The following STK38 variants were observed in gnomAD, a reference collection of about 807,000 sequenced individuals.
STK38 encodes the protein serine/threonine kinase 38, also known as serine/threonine-protein kinase 38.
In STK38, 26 loss-of-function variants were observed where a neutral mutation model predicts 59.0. The ratio of observed to expected loss-of-function variants is 0.44; its 90% CI spans 0.32 to 0.61. The LOEUF is 0.61. Among genes scored for constraint, STK38 ranks in the 20% least tolerant of loss-of-function variants. The pLI is 0.04. For synonymous variants in STK38, 175 were observed against 176.6 expected (o/e 0.99, Z 0.07); for missense variants, 433 against 566.0 (o/e 0.76, Z 2.38).
At chr6:36,517,182 C>T (rs1322189867) in intron 6 of STK38, among the ~76,000 whole-genome samples, 2 of 152,084 alleles carry the variant, frequency 1.3e-5, no homozygotes, top group Non-Finnish European at 2.9e-5. Context: ...TTCCTCAGAA[C>T]AGATGGCATG....
intron 1 of STK38, among the ~76,000 whole-genome samples, chr6:36,545,932 GCTAA>G (rs764753569): frequency 6.6e-4 from 100 of 152,242 alleles, no homozygotes; most frequent in Admixed American, 6.5e-4. Flanking sequence ...GTTATGCCTG[GCTAA>G]CTGACTGACT....
intron 7 of STK38, among the ~76,000 whole-genome samples, chr6:36,510,507 AG>A (rs1423565832): frequency 6.6e-6 from 1 of 152,170 alleles, no homozygotes; most frequent in Non-Finnish European, 1.5e-5. Context: ...CTGGGAGGGC[AG>A]GGCTCCCGCT....
chr6:36,526,810 C>T (rs1195811662), intron 2 of STK38, among the ~76,000 whole-genome samples: 2 of 152,054 alleles, frequency 1.3e-5, no homozygotes, highest in East Asian at 3.9e-4. Flanking sequence ...AGGAGAATCA[C>T]TTGAACCCAG....
chr6:36,518,123 ATC>A (rs1462024951), intron 5 of STK38, among the ~76,000 whole-genome samples: 12 of 152,202 alleles, frequency 7.9e-5, no homozygotes, highest in African/African-American at 2.9e-4. Flanking sequence ...TATAAACTGA[ATC>A]TCTGATTAGT....
intron 1 of STK38, among the ~76,000 whole-genome samples, chr6:36,545,236 T>C (rs1002475905): frequency 1.5e-5 from 2 of 132,006 alleles, no homozygotes; most frequent in Non-Finnish European, 3.0e-5. Context: ...CAGGTTGCAG[T>C]GAGCCAAGAT....
At position 36,495,421 on chromosome 6, in the gene STK38, G is replaced by GT; in HGVS notation, c.*362_*363insA. 4 of 185,828 alleles carry GT rather than the reference G, an allele frequency of 2.2e-5. No individual in the cohort carries two copies. The highest frequency in any genetic ancestry group is 5.6e-5 in the Admixed American group (1 of 17,928). 11.5% of individuals were successfully genotyped at this position (185,828 alleles called of 1,614,324 possible). On this transcript the variant is annotated 3_prime_UTR_variant, in exon 14 of 14. Transcript: ENST00000229812. The stretch of plus-strand genomic sequence containing the variant: ...TGTCACAAAATTACAGGAACTGGCT[G>GT]ATATTCGATGACTATACACGACAAT...
intron 4 of STK38, among the ~76,000 whole-genome samples, chr6:36,523,686 C>G (rs561867490): frequency 9.2e-5 from 14 of 152,304 alleles, no homozygotes; most frequent in African/African-American, 3.4e-4. Flanking sequence ...CAAGCTCTCC[C>G]CAACAGATTG....
chr6:36,527,495 G>GT (rs1411960797), intron 2 of STK38, among the ~76,000 whole-genome samples: 1 of 151,604 alleles, frequency 6.6e-6, no homozygotes, highest in Non-Finnish European at 1.5e-5. Flanking sequence ...AGAGGTTGCA[G>GT]TGAGGCGAGA....
chr6:36,499,905 G>A lies in STK38; in HGVS notation c.920C>T (p.Ser307Leu), dbSNP rs766566533. Residue 307 changes from serine to leucine, a missense_variant, in exon 10 of 14, where the codon TCG (serine) becomes TTG (leucine). By Grantham distance (145) the Ser-to-Leu change is moderately radical. Coordinates refer to ENST00000229812, the MANE Select transcript of STK38 (RefSeq NM_007271.4). ...CATCTCATACATGATCACCCCAAGCGACCACCAATCACAGAGCTTGTTGTA... is the reference window on the plus strand; with the variant it reads ...CATCTCATACATGATCACCCCAAGCAACCACCAATCACAGAGCTTGTTGTA... ...TGYNKLCDWW[S>L]LGVIMYEMLI... The A allele has an allele frequency of 1.9e-6, 3 of 1,613,854 alleles. No individual in the cohort carries two copies. Among genetic ancestry groups the A allele is most frequent in the African/African-American group, 1.3e-5 (1 of 74,876 alleles).
rs144040184 is a variant in STK38, at chr6:36,503,335, T to C, written c.834+3248A>G. 1.3e-3 allele frequency among the ~76,000 whole-genome samples: 203 copies of C among 152,320 alleles called. 2 individuals are homozygous for C. The highest frequency in any genetic ancestry group is 1.9e-3 in the Non-Finnish European group (127 of 68,032). On this transcript the variant is annotated intron_variant, in intron 9 of 13. Coordinates refer to ENST00000229812, the MANE Select transcript of STK38 (RefSeq NM_007271.4). ...CTGAGGTCATAAAGATATTGCCCTG[T>C]ATTTTCTTTAAAAATTTTTAAAGTT...
intron 6 of STK38, among the ~76,000 whole-genome samples, chr6:36,517,406 G>A (rs1221247573): frequency 6.6e-6 from 1 of 152,090 alleles, no homozygotes; most frequent in African/African-American, 2.4e-5. Flanking sequence ...GATCATATAT[G>A]ATTCCCATTG....
At chr6:36,517,591 T>C (rs932431141) in intron 6 of STK38, 126 bp downstream of exon 6, 3 of 1,277,998 alleles carry the variant, frequency 2.3e-6, no homozygotes, top group African/African-American at 3.0e-5. Context: ...TTTATAGACC[T>C]AAAAAAGGAT....
chr6:36,507,028 G>C (rs947238349), intron 8 of STK38, among the ~76,000 whole-genome samples: 7 of 152,114 alleles, frequency 4.6e-5, no homozygotes, highest in Admixed American at 2.0e-4. Context: ...TATATGATCA[G>C]GGACATCTGA....
In STK38 at chr6:36,527,207, A is replaced by AATATATATATAT. The variant is rs1554168829; in HGVS notation, c.132-1566_132-1565insATATATATATAT. ...ACTCCGTCTCAAAAAAAAAAAAAAA[A>AATATATATATAT]ATATATGTATATATATATATATTTA... On this transcript the variant is annotated intron_variant, in intron 2 of 13. Coordinates refer to ENST00000229812, the MANE Select transcript of STK38 (RefSeq NM_007271.4). 5.3e-4 allele frequency among the ~76,000 whole-genome samples: 63 copies of AATATATATATAT among 119,336 alleles called. No individual in the cohort carries two copies. The East Asian group carries it at 5.6e-3, about 11-fold the overall frequency. The allele number at this position is 119,336 out of a possible 152,430, so 78.3% of individuals were successfully genotyped here.
rs532131932 is a variant in STK38 at position 36,546,643 on chromosome 6, T to C, written c.-6+547A>G. On this transcript the variant is annotated intron_variant, in intron 1 of 13. Coordinates refer to ENST00000229812, the MANE Select transcript of STK38 (RefSeq NM_007271.4). ...CCTTACCGACTTTTTCCTCTGGCTG[T>C]TGCTTTTCCACTCTCTTCTTAAGAA... 4.6e-5 allele frequency among the ~76,000 whole-genome samples: 7 copies of C among 152,346 alleles called. No individual in the cohort carries two copies. The South Asian group carries it at 1.4e-3, about 32-fold the overall frequency.
chr6:36,528,265 A>G (rs1047384284), intron 2 of STK38, among the ~76,000 whole-genome samples: 5 of 152,146 alleles, frequency 3.3e-5, no homozygotes, highest in Admixed American at 6.5e-5. Context: ...GAGTGATGTG[A>G]TAAGATTTCT....
chr6:36,529,730 T>C (rs1290873811), intron 2 of STK38, among the ~76,000 whole-genome samples: 1 of 152,218 alleles, frequency 6.6e-6, no homozygotes, highest in Non-Finnish European at 1.5e-5. Context: ...TCTAAATGTA[T>C]GCTGCTAAAT....
chr6:36,514,584 C>T (rs1582426333), intron 7 of STK38, among the ~76,000 whole-genome samples: 1 of 152,080 alleles, frequency 6.6e-6, no homozygotes, highest in South Asian at 2.1e-4. Context: ...GGTTATCTAG[C>T]AAGTTAGTTG....
chr6:36,544,101 G>A (rs1243532567), intron 1 of STK38, among the ~76,000 whole-genome samples: 4 of 152,092 alleles, frequency 2.6e-5, no homozygotes, highest in African/African-American at 9.7e-5. Context: ...AAGATACGCA[G>A]ACAAAAATCA....
Sources: allele counts gnomAD v4.1 joint callset (sites outside exome capture counted in the v4.1 genomes callset), GRCh38; gene constraint gnomAD v4.1.1; transcripts MANE v1.5; gene names NCBI Gene and HGNC (gene_info 2026-07-23, HGNC 2026-07-21).